The following C1QTNF3 variants were observed in gnomAD, a reference collection of about 807,000 sequenced individuals.
C1QTNF3 encodes the protein C1q and TNF related 3.
In C1QTNF3, 26 loss-of-function variants were observed where a neutral mutation model predicts 32.6. The observed-to-expected ratio is 0.80, with a 90% CI of 0.58 to 1.11. The LOEUF (loss-of-function observed/expected upper bound fraction) is 1.11, where lower values mean the gene tolerates loss of function less well. Among genes scored for constraint, C1QTNF3 ranks in the 50% least tolerant of loss-of-function variants. The pLI, the probability that C1QTNF3 is intolerant of heterozygous loss-of-function variation, is 0.00. For synonymous variants in C1QTNF3, 155 were observed against 146.0 expected (o/e 1.06, Z -0.44); for missense variants, 362 against 398.2 (o/e 0.91, Z 0.77).
chr5:34,046,882 G>C (rs1217908728), upstream of C1QTNF3, among the ~76,000 whole-genome samples: 2 of 152,110 alleles, frequency 1.3e-5, no homozygotes, highest in African/African-American at 4.8e-5. Flanking sequence ...AGAAAACTGG[G>C]CCAGAGAGAA....
intron 4 of C1QTNF3, among the ~76,000 whole-genome samples, chr5:34,025,376 G>T (rs1754434422): frequency 6.6e-6 from 1 of 152,144 alleles, no homozygotes; most frequent in Admixed American, 6.5e-5. Flanking sequence ...TTAAAAATAG[G>T]TTGCAAAAAC....
At chr5:34,032,888 CAA>C (rs1754649412) in intron 3 of C1QTNF3, among the ~76,000 whole-genome samples, 3 of 152,168 alleles carry the variant, frequency 2.0e-5, no homozygotes, top group Admixed American at 2.0e-4. Context: ...GTAAATATAA[CAA>C]TGTTAATAAA....
At chr5:34,219,426 T>C in the C1QTNF3 span, among the ~76,000 whole-genome samples, 3 of 151,476 alleles carry the variant, frequency 2.0e-5, no homozygotes, top group East Asian at 1.9e-4. Flanking sequence ...AGAATCAATA[T>C]GGTAAAAAAA....
chr5:34,224,891 G>A, the C1QTNF3 span, among the ~76,000 whole-genome samples: 43 of 152,112 alleles, frequency 2.8e-4, no homozygotes, highest in African/African-American at 1.0e-3. Flanking sequence ...GAAAATTTTC[G>A]CAATCTACTC....
In C1QTNF3 at chr5:34,023,900, A is replaced by G. The variant is rs1554007357; in HGVS notation, c.800+9T>C. The G allele has an allele frequency of 1.2e-6, 2 of 1,611,446 alleles. No homozygotes were observed. The highest frequency in any genetic ancestry group is 2.2e-5 in the South Asian group (2 of 90,970). ...ATGGATGAGACCCATGACAGAAAAG[A>G]CCACCCACCTGTACATGCTGAAGAC... On this transcript the variant is annotated intron_variant, in intron 5 of 5. Transcript: ENST00000382065.
chr5:34,237,050 T>TACTAGTTTAAAAAGA, the C1QTNF3 span, among the ~76,000 whole-genome samples: 1 of 152,194 alleles, frequency 6.6e-6, no homozygotes, highest in Non-Finnish European at 1.5e-5. Flanking sequence ...TAGTTAAAGA[T>TACTAGTTTAAAAAGA]CTAAGTTACT....
chr5:34,140,496 G>A, the C1QTNF3 span, among the ~76,000 whole-genome samples: 2 of 152,188 alleles, frequency 1.3e-5, no homozygotes, highest in East Asian at 3.9e-4. Context: ...ACTTGTTAAA[G>A]ATGATAAATT....
At chr5:34,044,786 C>G (rs1754959724), upstream of C1QTNF3, among the ~76,000 whole-genome samples, 1 of 152,192 alleles carries the variant, frequency 6.6e-6, no homozygotes, top group Non-Finnish European at 1.5e-5. Context: ...AAAAATTCAG[C>G]CATCTCTGTG....
At chr5:34,223,824 G>T in the C1QTNF3 span, among the ~76,000 whole-genome samples, 4 of 152,014 alleles carry the variant, frequency 2.6e-5, no homozygotes, top group African/African-American at 7.2e-5. Context: ...GAGAAGGAAA[G>T]AAAGGGTATT....
chr5:34,088,621 C>T, the C1QTNF3 span, among the ~76,000 whole-genome samples: 1 of 152,126 alleles, frequency 6.6e-6, no homozygotes, highest in Non-Finnish European at 1.5e-5. Flanking sequence ...TAAATTTTGT[C>T]TCCCTCTGTT....
chr5:34,169,908 C>T, the C1QTNF3 span, among the ~76,000 whole-genome samples: 2 of 152,010 alleles, frequency 1.3e-5, no homozygotes, highest in South Asian at 2.1e-4. Flanking sequence ...AATTACCACG[C>T]GATCCAGCAC....
At chr5:34,129,184 T>C in the C1QTNF3 span, among the ~76,000 whole-genome samples, 99 of 152,326 alleles carry the variant, frequency 6.5e-4, no homozygotes, top group African/African-American at 2.3e-3. Context: ...GCCATGATTG[T>C]ACATTTCCTG....
the C1QTNF3 span, among the ~76,000 whole-genome samples, chr5:34,119,057 GAA>G: frequency 6.6e-6 from 1 of 152,178 alleles, no homozygotes; most frequent in East Asian, 1.9e-4. Flanking sequence ...AAACACAGCA[GAA>G]AAAGTGTGTT....
the C1QTNF3 span, among the ~76,000 whole-genome samples, chr5:34,231,270 A>C: frequency 2.0e-5 from 3 of 152,236 alleles, no homozygotes; most frequent in Non-Finnish European, 2.9e-5. Context: ...GTGCCATAGT[A>C]TCAATTCTTG....
In C1QTNF3 at chr5:34,028,901, G is replaced by C; in HGVS notation, c.571-18C>G. 6.3e-7 allele frequency: 1 copy of C among 1,599,092 alleles called. No homozygotes were observed. Among genetic ancestry groups the C allele is most frequent in the South Asian group, 1.1e-5 (1 of 88,520 alleles). On this transcript the variant is annotated intron_variant, in intron 3 of 5. Transcript: ENST00000382065. ...AATGCAATCTAAGGAAAGAATTATTGGTCAATAAATAGGCAATTTATCTTA... is the reference window on the plus strand; with the variant it reads ...AATGCAATCTAAGGAAAGAATTATTCGTCAATAAATAGGCAATTTATCTTA...
chr5:34,175,904 G>A, the C1QTNF3 span: 1 of 815,838 alleles, frequency 1.2e-6, no homozygotes, highest in East Asian at 2.4e-5. Flanking sequence ...GACCCAGATG[G>A]TACTGCTCTA....
rs1008993513 is a variant in C1QTNF3, at chr5:34,020,411, T to C, written c.*172A>G. 3 of 736,292 alleles carry C rather than the reference T, an allele frequency of 4.1e-6. No homozygotes were observed. The highest frequency in any genetic ancestry group is 5.3e-5 in the Admixed American group (2 of 38,032). The allele number at this position is 736,292 out of a possible 1,614,324, so 45.6% of individuals were successfully genotyped here. On this transcript the variant is annotated 3_prime_UTR_variant, in exon 6 of 6. Transcript: ENST00000382065. ...AAGACTATTTTGTGGTTGATTCTTC[T>C]GAGCCCCTGAATTGTCCAACATTAT...
the C1QTNF3 span, among the ~76,000 whole-genome samples, chr5:34,106,932 T>C: frequency 4.1e-5 from 4 of 97,140 alleles, no homozygotes; most frequent in South Asian, 1.0e-3. Flanking sequence ...ATTCTTTGTG[T>C]TTATTGTTTG....
At chr5:34,124,181 C>T in the C1QTNF3 span, 10 of 408,090 alleles carry the variant, frequency 2.5e-5, no homozygotes, top group Middle Eastern at 6.3e-4. Context: ...AATGATTAGC[C>T]GTCCTTTTAT....
Sources: gnomAD v4.1 joint callset for allele counts (sites outside exome capture counted in the v4.1 genomes callset) on GRCh38, gnomAD v4.1.1 for gene constraint, MANE v1.5 for transcripts, NCBI Gene and HGNC (gene_info 2026-07-23, HGNC 2026-07-21) for gene names.